The following ADAM17 variants were observed in gnomAD, a reference collection of about 807,000 sequenced individuals.
The protein encoded by ADAM17 is disintegrin and metalloproteinase domain-containing protein 17.
ADAM17 carries 39 observed loss-of-function variants against 96.7 expected under a neutral mutation model. The observed-to-expected ratio is 0.40, with a 90% CI of 0.31 to 0.53. The LOEUF (loss-of-function observed/expected upper bound fraction) is 0.53, where lower values mean the gene tolerates loss of function less well. Among genes scored for constraint, ADAM17 ranks in the 20% least tolerant of loss-of-function variants. The pLI, the probability that ADAM17 is intolerant of heterozygous loss-of-function variation, is 0.44. For missense variants in ADAM17, 777 were observed against 1,013.2 expected, an observed-to-expected ratio of 0.77 and a Z score of 3.17; for synonymous variants, 344 against 359.2, an observed-to-expected ratio of 0.96 and a Z score of 0.48.
chr2:9,494,067 A>G (rs1197945358), intron 15 of ADAM17, among the ~76,000 whole-genome samples: 1 of 152,208 alleles, frequency 6.6e-6, no homozygotes, highest in Non-Finnish European at 1.5e-5. Context: ...GACAAAAATC[A>G]AGGAAACCAG....
In ADAM17 at chr2:9,555,698, GCC is replaced by G. The variant is rs1403261514; in HGVS notation, c.-95_-94del. On this transcript the variant is annotated 5_prime_UTR_variant, in exon 1 of 19. Transcript: ENST00000310823. ...CTCACATCGGGGGAGGACGGGATCC[GCC>G]CGGCCTAGCCCCTCAATCCTCTTTT... 9.7e-7 allele frequency: 1 copy of G among 1,032,468 alleles called. No individual in the cohort carries two copies. The highest frequency in any genetic ancestry group is 1.4e-6 in the Non-Finnish European group (1 of 735,018). 64.0% of individuals were successfully genotyped at this position (1,032,468 alleles called of 1,614,324 possible).
chr2:9,548,845 C>T (rs1572962446), intron 1 of ADAM17, among the ~76,000 whole-genome samples: 2 of 152,216 alleles, frequency 1.3e-5, no homozygotes, highest in South Asian at 2.1e-4. Flanking sequence ...AAAAAGAAAA[C>T]GGGGCTTTCA....
Position 9,489,088 on chromosome 2 carries a change from C to T in ADAM17, c.*1089G>A, listed in dbSNP as rs146246797. On this transcript the variant is annotated 3_prime_UTR_variant, in exon 19 of 19. Coordinates refer to ENST00000310823, the MANE Select transcript of ADAM17 (RefSeq NM_003183.6). ...AAGTATCAAGTCTTGTGGGGACAGC[C>T]CCCAACCCTAAGGGCAGGTAGTATT... is the stretch of plus-strand genomic sequence containing the variant. 8.5e-5 allele frequency: 13 copies of T among 152,142 alleles called. No homozygotes were observed. Among genetic ancestry groups the T allele is most frequent in the African/African-American group, 3.1e-4 (13 of 41,482 alleles). The allele number at this position is 152,142 out of a possible 1,614,324, so 9.4% of individuals were successfully genotyped here.
rs1039650322 is a variant in ADAM17, at chr2:9,493,807, C to G, written c.1933G>C (p.Val645Leu). ...CAAAATCGTTCAATTACATCCTGTA[C>G]TCGTTTCTCACATTTGCCCTATGAA... is the stretch of plus-strand genomic sequence containing the variant. ...CDMNGKCEKR[V>L]QDVIERFWDF... The change falls in exon 16 of 19, where the codon GTA (valine) becomes CTA (leucine). Residue 645 changes from valine (V) to leucine (L), a missense_variant. Val to Leu is a conservative substitution (Grantham distance 32). Around this residue, in one of 3 missense-constraint regions of ADAM17, gnomAD observed 446 missense variants for 664.7 expected, o/e 0.67. Transcript: ENST00000310823. 2 of 1,613,846 alleles carry G rather than the reference C, an allele frequency of 1.2e-6. No individual in the cohort carries two copies. Among genetic ancestry groups the G allele is most frequent in the Non-Finnish European group, 1.7e-6 (2 of 1,179,948 alleles).
intron 1 of ADAM17, among the ~76,000 whole-genome samples, chr2:9,546,527 C>T (rs886833657): frequency 3.3e-5 from 5 of 152,156 alleles, no homozygotes; most frequent in African/African-American, 1.2e-4. Flanking sequence ...CACTAGTAAT[C>T]TCAATTTTTT....
intron 5 of ADAM17, among the ~76,000 whole-genome samples, chr2:9,526,599 C>T (rs886274430): frequency 2.0e-5 from 3 of 152,024 alleles, no homozygotes; most frequent in Non-Finnish European, 4.4e-5. Context: ...AGTTCGAGAC[C>T]AGCCTGGCCA....
At chr2:9,534,450 G>A (rs527244949) in intron 4 of ADAM17, among the ~76,000 whole-genome samples, 10 of 152,162 alleles carry the variant, frequency 6.6e-5, no homozygotes, top group East Asian at 1.9e-4. Context: ...CAGGAGAATC[G>A]CCTGAACCGG....
At chr2:9,533,924 C>A (rs1240835145) in intron 4 of ADAM17, among the ~76,000 whole-genome samples, 2 of 152,176 alleles carry the variant, frequency 1.3e-5, no homozygotes, top group Non-Finnish European at 2.9e-5. Flanking sequence ...TTATCTGAAG[C>A]CCTCGCACAG....
intron 7 of ADAM17, 108 bp from the exon 8 acceptor site, chr2:9,521,424 AC>A (rs1413769006): frequency 4.2e-5 from 31 of 733,906 alleles, no homozygotes; most frequent in African/African-American, 1.4e-4. Context: ...TAGAAAAAAA[AC>A]ATTTTAAAAC....
In ADAM17 at chr2:9,494,893, G is replaced by A. The variant is rs940485042; in HGVS notation, c.1784-126C>T. On this transcript the variant is annotated intron_variant, in intron 14 of 18. Transcript: ENST00000310823. Reference sequence around the variant, plus strand: ...ATCACATTTATTTTTTATTTAAATAGCTAATACTATCCATAGCCCCCACCA... The same window carrying A: ...ATCACATTTATTTTTTATTTAAATAACTAATACTATCCATAGCCCCCACCA... 7 of 1,196,368 alleles carry A rather than the reference G, an allele frequency of 5.9e-6. No homozygotes were observed. The Admixed American group carries it at 1.9e-4, about 32-fold the overall frequency. 74.1% of individuals were successfully genotyped at this position (1,196,368 alleles called of 1,614,324 possible). A position where few individuals can be genotyped will look rare whatever the true frequency, so the allele number is the denominator to read the frequency against.
At chr2:9,499,832 T>G (rs1260212315) in intron 13 of ADAM17, among the ~76,000 whole-genome samples, 1 of 152,236 alleles carries the variant, frequency 6.6e-6, no homozygotes, top group African/African-American at 2.4e-5. Context: ...CTTCATTCAC[T>G]AGGTCCCTGA....
Position 9,546,715 on chromosome 2 carries a change from C to CTTTTTTTTT in ADAM17, c.98-3439_98-3431dup, listed in dbSNP as rs59009659. On this transcript the variant is annotated intron_variant, in intron 1 of 18. Coordinates refer to ENST00000310823, the MANE Select transcript of ADAM17 (RefSeq NM_003183.6). Reference sequence around the variant, plus strand: ...TCTCAGCTCAGTGTCTGGCCATATTCTTTTTTTTTTTTTGAAATGGAGTCT... The same window carrying CTTTTTTTTT: ...TCTCAGCTCAGTGTCTGGCCATATTCTTTTTTTTTTTTTTTTTTTTTTGAAATGGAGTCT... Among the ~76,000 whole-genome samples the CTTTTTTTTT allele has an allele frequency of 5.2e-4, 71 of 137,816 alleles. 3 individuals carry two copies. Among genetic ancestry groups the CTTTTTTTTT allele is most frequent in the African/African-American group, 1.7e-3 (63 of 36,232 alleles). 90.4% of individuals were successfully genotyped at this position (137,816 alleles called of 152,430 possible).
chr2:9,522,772 C>T (rs945931545), intron 7 of ADAM17, among the ~76,000 whole-genome samples: 2 of 152,082 alleles, frequency 1.3e-5, no homozygotes, highest in African/African-American at 2.4e-5. Context: ...ATTAATATAA[C>T]ATTACTAGAC....
intron 17 of ADAM17, 109 bp from the exon 18 acceptor site, chr2:9,491,260 T>C: frequency 1.0e-6 from 1 of 970,422 alleles, no homozygotes; most frequent in Non-Finnish European, 1.6e-6. Context: ...AGAACCTGAG[T>C]TGTAGAAAGT....
At chr2:9,521,779 C>T (rs1267031750) in intron 7 of ADAM17, 1 of 143,250 alleles carries the variant, frequency 7.0e-6, no homozygotes, top group Non-Finnish European at 1.6e-5. Flanking sequence ...ACAAAGGCTC[C>T]CATTAGTAAG....
chr2:9,551,724 G>A (rs900141994), intron 1 of ADAM17, among the ~76,000 whole-genome samples: 4 of 152,286 alleles, frequency 2.6e-5, no homozygotes, highest in Admixed American at 1.3e-4. Context: ...CTCCCAAAGT[G>A]CTGGGATTAC....
At chr2:9,531,837 C>A (rs1458335629) in intron 4 of ADAM17, among the ~76,000 whole-genome samples, 1 of 151,884 alleles carries the variant, frequency 6.6e-6, no homozygotes, top group Non-Finnish European at 1.5e-5. Context: ...GTGGCTCACA[C>A]CTGTAATCCC....
intron 12 of ADAM17, among the ~76,000 whole-genome samples, chr2:9,503,989 T>TA (rs904244607): frequency 6.6e-6 from 1 of 151,540 alleles, no homozygotes; most frequent in Non-Finnish European, 1.5e-5. Flanking sequence ...CCCATCTCTA[T>TA]AAAAAATACA....
At chr2:9,546,035 C>T (rs1177499475) in intron 1 of ADAM17, among the ~76,000 whole-genome samples, 1 of 149,542 alleles carries the variant, frequency 6.7e-6, no homozygotes, top group Non-Finnish European at 1.5e-5. Context: ...GAGGTCAAGG[C>T]TGCAGTAAGC....
Sources: gnomAD v4.1 joint callset for allele counts (sites outside exome capture counted in the v4.1 genomes callset) on GRCh38, gnomAD v4.1.1 for gene constraint, gnomAD v4.1.1 regional missense constraint, MANE v1.5 for transcripts, NCBI Gene and HGNC (gene_info 2026-07-23, HGNC 2026-07-21) for gene names.